Variants in ITGA2 observed in about 807,000 individuals in gnomAD.
ITGA2 encodes the protein integrin alpha-2.
In ITGA2, 101 loss-of-function variants were observed where a neutral mutation model predicts 146.3. The observed-to-expected ratio is 0.69, with a 90% CI of 0.59 to 0.81. The LOEUF is 0.81. Among genes scored for constraint, ITGA2 ranks in the 40% least tolerant of loss-of-function variants. The probability of loss-of-function intolerance (pLI) is 0.00; values close to 1 mark genes in which losing one functional copy is unlikely to be tolerated. For missense variants in ITGA2, 1,281 were observed against 1,402.7 expected, an observed-to-expected ratio of 0.91 and a Z score of 1.39; for synonymous variants, 477 against 487.1, an observed-to-expected ratio of 0.98 and a Z score of 0.27.
chr5:53,038,160 A>G (rs1390627789), intron 2 of ITGA2, among the ~76,000 whole-genome samples: 3 of 152,046 alleles, frequency 2.0e-5, no homozygotes, highest in South Asian at 4.2e-4. Flanking sequence ...CAGTCTTCTC[A>G]GGAAGAAAAT....
chr5:53,084,907 C>T (rs953034189), intron 27 of ITGA2, among the ~76,000 whole-genome samples: 2 of 152,160 alleles, frequency 1.3e-5, no homozygotes, highest in African/African-American at 2.4e-5. Flanking sequence ...ACCTTCCCAA[C>T]GATCTTCAGA....
chr5:52,989,521 C>T lies in ITGA2; in HGVS notation c.53C>T (p.Ala18Val). 1.9e-6 allele frequency: 3 copies of T among 1,613,600 alleles called. No individual in the cohort carries two copies. Among genetic ancestry groups the T allele is most frequent in the South Asian group, 1.1e-5 (1 of 91,058 alleles). The part of the protein sequence containing the change: ...AAPLPLLLVL[A>V]LSQGILNCCL... ...CCGCTGCCGCTGCTGCTGGTGTTAGCGCTCAGTCAAGGTAAGCGGGGATTT... is the reference window on the plus strand; with the variant it reads ...CCGCTGCCGCTGCTGCTGGTGTTAGTGCTCAGTCAAGGTAAGCGGGGATTT... Residue 18 changes from alanine (A) to valine (V), a missense_variant, in exon 1 of 30, where the codon GCG becomes GTG. Ala to Val is a moderately conservative substitution (Grantham distance 64). Coordinates refer to ENST00000296585, the MANE Select transcript of ITGA2 (RefSeq NM_002203.4).
intron 6 of ITGA2, 56 bp downstream of exon 6, chr5:53,048,826 T>C: frequency 6.3e-7 from 1 of 1,580,744 alleles, no homozygotes; most frequent in East Asian, 2.2e-5. Context: ...AAAAAAATAT[T>C]GTTAGCTATG....
chr5:53,061,040 TG>T lies in ITGA2; in HGVS notation c.1453del (p.Asp485ThrfsTer27). 6.2e-7 allele frequency: 1 copy of T among 1,612,040 alleles called. No homozygotes were observed. ...NITVIQAHRGDQIGSYFGSVL... is the reference protein window; with the variant it reads ...NITVIQAHRGXQIGSYFGSVL... ...TCACGGTTATTCAGGCTCACCGAGG[TG>T]ACCAGGTAAATCTCACTGTTTAGCA... is the stretch of plus-strand genomic sequence containing the variant. On this transcript the variant is annotated frameshift_variant, in exon 12 of 30. Transcript: ENST00000296585. LOFTEE classifies it high-confidence loss of function.
Position 53,058,113 on chromosome 5 carries a change from A to G in ITGA2, c.1173+12A>G. The G allele has an allele frequency of 6.3e-7, 1 of 1,591,238 alleles. No homozygotes were observed. Among genetic ancestry groups the G allele is most frequent in the East Asian group, 2.2e-5 (1 of 44,556 alleles). On this transcript the variant is annotated intron_variant, in intron 10 of 29. Coordinates refer to ENST00000296585, the MANE Select transcript of ITGA2 (RefSeq NM_002203.4). The stretch of plus-strand genomic sequence containing the variant: ...ACTCTTCTCAAAATGTGCGTATATC[A>G]GATAGCTTCAAGCCATGTTGTCATT...
At chr5:53,070,340 A>G (rs940727148) in intron 17 of ITGA2, 80 bp downstream of exon 17, 4 of 1,420,310 alleles carry the variant, frequency 2.8e-6, no homozygotes, top group Admixed American at 1.7e-5. Flanking sequence ...ATGGAAGCTT[A>G]TGAGTTAGAA....
At chr5:53,050,724 T>C (rs185507174) in intron 6 of ITGA2, among the ~76,000 whole-genome samples, 1 of 152,322 alleles carries the variant, frequency 6.6e-6, no homozygotes, top group East Asian at 1.9e-4. Context: ...GTGACCTTAT[T>C]GATCTCTAGG....
chr5:53,038,548 GC>G (rs1743614595), intron 2 of ITGA2, among the ~76,000 whole-genome samples: 1 of 152,096 alleles, frequency 6.6e-6, no homozygotes, highest in Non-Finnish European at 1.5e-5. Flanking sequence ...CATAAGTGTG[GC>G]CTGACTCCCT....
At chr5:53,089,727 G>A (rs527405320) in intron 28 of ITGA2, among the ~76,000 whole-genome samples, 37 of 152,334 alleles carry the variant, frequency 2.4e-4, no homozygotes, top group African/African-American at 7.0e-4. Flanking sequence ...TAGTTAAAGC[G>A]GAGAAACTAG....
intron 10 of ITGA2, among the ~76,000 whole-genome samples, chr5:53,059,553 G>A (rs1191204440): frequency 6.6e-6 from 1 of 151,862 alleles, no homozygotes; most frequent in Non-Finnish European, 1.5e-5. Flanking sequence ...AAGTTCATAA[G>A]GGTTTACCAT....
intron 1 of ITGA2, among the ~76,000 whole-genome samples, chr5:53,007,354 A>G (rs1480733386): frequency 1.3e-5 from 2 of 152,160 alleles, no homozygotes; most frequent in African/African-American, 4.8e-5. Flanking sequence ...AACAGGGTAT[A>G]ATAAAAGAAA....
intron 5 of ITGA2, 77 bp from the exon 6 acceptor site, chr5:53,048,566 C>T: frequency 9.9e-6 from 16 of 1,611,810 alleles, no homozygotes; most frequent in Non-Finnish European, 1.3e-5. Flanking sequence ...CCAAACCCTC[C>T]TTAAGTCTCA....
In ITGA2 at chr5:53,042,101, T is replaced by A; in HGVS notation, c.186-11T>A. The stretch of plus-strand genomic sequence containing the variant: ...AACACTTTGTGTCTAATAAAAAAAA[T>A]GTGTTTCTAGGTTACTGGTTGGTTC... On this transcript the variant is annotated splice_polypyrimidine_tract_variant and intron_variant, in intron 2 of 29. Coordinates refer to ENST00000296585, the MANE Select transcript of ITGA2 (RefSeq NM_002203.4). 1 of 1,527,766 alleles carries A rather than the reference T, an allele frequency of 6.5e-7. No homozygotes were observed. Among genetic ancestry groups the A allele is most frequent in the Middle Eastern group, 1.7e-4 (1 of 5,898 alleles). The allele number at this position is 1,527,766 out of a possible 1,614,324, so 94.6% of individuals were successfully genotyped here. A position where few individuals can be genotyped will look rare whatever the true frequency, so the allele number is the denominator to read the frequency against.
chr5:53,008,272 A>G (rs1235850313), intron 1 of ITGA2, among the ~76,000 whole-genome samples: 2 of 150,280 alleles, frequency 1.3e-5, no homozygotes, highest in East Asian at 2.0e-4. Flanking sequence ...ACCTTTCCCT[A>G]TGTGGGTACT....
At chr5:53,077,835 T>C (rs1745731644) in intron 23 of ITGA2, among the ~76,000 whole-genome samples, 1 of 151,994 alleles carries the variant, frequency 6.6e-6, no homozygotes, top group South Asian at 2.1e-4. Context: ...TCAGAAAATA[T>C]CCACCCCAAG....
intron 1 of ITGA2, among the ~76,000 whole-genome samples, chr5:53,004,904 T>G (rs866606731): frequency 1.3e-3 from 25 of 19,098 alleles, no homozygotes; most frequent in South Asian, 5.7e-3. Flanking sequence ...GTTTTTTTTT[T>G]TTTTTTTTTT....
intron 7 of ITGA2, among the ~76,000 whole-genome samples, chr5:53,053,398 G>T (rs1489486019): frequency 6.6e-6 from 1 of 152,140 alleles, no homozygotes; most frequent in Non-Finnish European, 1.5e-5. Context: ...CTGCCATTAG[G>T]TGAAGCGCCC....
At chr5:53,034,558 A>G (rs758646422) in intron 2 of ITGA2, among the ~76,000 whole-genome samples, 28 of 152,200 alleles carry the variant, frequency 1.8e-4, no homozygotes, top group Non-Finnish European at 3.4e-4. Flanking sequence ...CGTGGGAGAG[A>G]TATGTTGCTC....
chr5:53,072,309 A>G (rs534600359), intron 18 of ITGA2, among the ~76,000 whole-genome samples: 34 of 151,914 alleles, frequency 2.2e-4, no homozygotes, highest in Non-Finnish European at 3.1e-4. Context: ...TTGTTGAATA[A>G]ATAAATAAAA....
Sources: allele counts gnomAD v4.1 joint callset (sites outside exome capture counted in the v4.1 genomes callset), GRCh38; gene constraint gnomAD v4.1.1; transcripts MANE v1.5; gene names NCBI Gene and HGNC (gene_info 2026-07-23, HGNC 2026-07-21).